DHRS4L2: variants seen among roughly 807,000 people sequenced by gnomAD.
DHRS4L2 encodes dehydrogenase/reductase SDR family member 4-like 2.
DHRS4L2 carries 22 observed loss-of-function variants against 23.9 expected under a neutral mutation model. The ratio of observed to expected loss-of-function variants is 0.92; its 90% confidence interval spans 0.66 to 1.31. The LOEUF is 1.31. Ranked by LOEUF, DHRS4L2 falls within the 40% of genes most tolerant of loss-of-function variation. The pLI is 0.00. For synonymous variants in DHRS4L2, 141 were observed against 123.7 expected (o/e 1.14, Z -0.93); for missense variants, 385 against 303.3 (o/e 1.27, Z -2.00).
intron 1 of DHRS4L2, 110 bp downstream of exon 1, chr14:23,989,185 G>A: frequency 2.7e-6 from 4 of 1,487,718 alleles, no homozygotes; most frequent in Non-Finnish European, 3.6e-6. Flanking sequence ...TACCGCCAAA[G>A]TCTGGCCATG....
At chr14:23,984,995 GA>G (rs1464807717), upstream of DHRS4L2, among the ~76,000 whole-genome samples, 2 of 151,304 alleles carry the variant, frequency 1.3e-5, no homozygotes, top group Non-Finnish European at 2.9e-5. Context: ...GAGATAGGGA[GA>G]AAGGGGTGGT....
At chr14:24,000,475 A>AT (rs1177575463) in intron 3 of DHRS4L2, among the ~76,000 whole-genome samples, 1 of 152,026 alleles carries the variant, frequency 6.6e-6, no homozygotes, top group Non-Finnish European at 1.5e-5. Context: ...GTCAGGCCAC[A>AT]TTTTCCCTGA....
At position 23,990,316 on chromosome 14, in the gene DHRS4L2, G is replaced by C. The variant is rs1169665114; in HGVS notation, c.263G>C (p.Cys88Ser). The change falls in exon 2 of 8, where the codon TGC becomes TCC. Residue 88 changes from cysteine (C) to serine (S), a missense_variant. Transcript: ENST00000335125. ...GGGCTGAGCGTGACGGGCACTGTGT[G>C]CCATGTGGGGAAGGCGGAGGACCGG... The part of the protein sequence containing the change: ...GEGLSVTGTV[C>S]HVGKAEDRER... The C allele has an allele frequency of 6.2e-7, 1 of 1,612,066 alleles. No individual in the cohort carries two copies. Among genetic ancestry groups the C allele is most frequent in the Non-Finnish European group, 8.5e-7 (1 of 1,179,028 alleles).
At chr14:23,974,553 A>C (rs2033930032) in intron 1 of DHRS4L2, among the ~76,000 whole-genome samples, 1 of 151,824 alleles carries the variant, frequency 6.6e-6, no homozygotes, top group Non-Finnish European at 1.5e-5. Flanking sequence ...ACAATAAAAA[A>C]TCATAAAGGG....
At chr14:23,977,676 C>G (rs1407020851) in intron 1 of DHRS4L2, among the ~76,000 whole-genome samples, 1 of 151,622 alleles carries the variant, frequency 6.6e-6, no homozygotes, top group East Asian at 1.9e-4. Flanking sequence ...GATGAACTAG[C>G]TTTCTTATTT....
At chr14:24,004,130 C>T (rs1212865699) in intron 6 of DHRS4L2, among the ~76,000 whole-genome samples, 4 of 146,778 alleles carry the variant, frequency 2.7e-5, no homozygotes, top group Admixed American at 6.7e-5. Flanking sequence ...ATTAGCCGGG[C>T]GCAGTGGCGG....
intron 3 of DHRS4L2, among the ~76,000 whole-genome samples, chr14:24,000,226 G>T (rs2034459465): frequency 6.8e-6 from 1 of 147,704 alleles, no homozygotes; most frequent in African/African-American, 2.6e-5. Context: ...CTGTAAGATT[G>T]AAATATTTTA....
At chr14:24,004,093 A>G (rs1250398297) in intron 6 of DHRS4L2, among the ~76,000 whole-genome samples, 5 of 142,896 alleles carry the variant, frequency 3.5e-5, no homozygotes, top group Non-Finnish European at 6.0e-5. Flanking sequence ...ACACGGTGAA[A>G]CCCCGTCTCT....
At chr14:23,970,026 A>C (rs1377186396) in exon 1 of DHRS4L2, 1 of 456,066 alleles carries the variant, frequency 2.2e-6, no homozygotes, top group Non-Finnish European at 4.4e-6. Flanking sequence ...GGAGTCTAGC[A>C]TGTGCGGCTG....
chr14:23,983,058 G>A lies in DHRS4L2; in HGVS notation c.-175-7124G>A, dbSNP rs571829932. 5.3e-5 allele frequency among the ~76,000 whole-genome samples: 8 copies of A among 151,732 alleles called. No homozygotes were observed. In the East Asian group the frequency reaches 1.5e-3, roughly 29 times the overall value. On this transcript the variant is annotated intron_variant, in intron 1 of 5. Transcript: ENST00000534993. Reference sequence around the variant, plus strand: ...GACCTGATTAAACTAAAGAGCTTCAGCACAGCAGAAGAGACTATCGTCAGA... The same window carrying A: ...GACCTGATTAAACTAAAGAGCTTCAACACAGCAGAAGAGACTATCGTCAGA...
At chr14:23,984,687 G>C (rs2034108674), upstream of DHRS4L2, among the ~76,000 whole-genome samples, 1 of 150,028 alleles carries the variant, frequency 6.7e-6, no homozygotes, top group African/African-American at 2.4e-5. Context: ...AGGTACTGTA[G>C]TCCCAGCTAC....
intron 2 of DHRS4L2, among the ~76,000 whole-genome samples, chr14:23,992,085 A>G (rs1159127409): frequency 6.6e-6 from 1 of 151,602 alleles, no homozygotes; most frequent in African/African-American, 2.4e-5. Context: ...ATGGCCTCTT[A>G]AAAGGATATG....
intron 2 of DHRS4L2, among the ~76,000 whole-genome samples, chr14:23,991,430 C>G (rs949413852): frequency 2.6e-5 from 4 of 151,706 alleles, no homozygotes; most frequent in African/African-American, 4.8e-5. Flanking sequence ...AACCATACGA[C>G]ATGTAAGTAG....
rs1175386311 is a variant in DHRS4L2 at position 24,001,158 on chromosome 14, G to A, written c.531+74G>A. On this transcript the variant is annotated intron_variant, in intron 5 of 7. Transcript: ENST00000335125. ...CTTTCCACCCCTCCTATTACCCAAA[G>A]AAGTTTGTGTCCCCTTGTAGAATCA... The A allele has an allele frequency of 7.5e-6, 12 of 1,608,598 alleles. No homozygotes were observed. In the Admixed American group the frequency reaches 1.0e-4, roughly 13 times the overall value.
At chr14:23,993,836 C>G (rs1334223924) in intron 2 of DHRS4L2, among the ~76,000 whole-genome samples, 1 of 151,610 alleles carries the variant, frequency 6.6e-6, no homozygotes, top group Non-Finnish European at 1.5e-5. Context: ...CTCTCCTGGG[C>G]AGCTGGTTTA....
intron 1 of DHRS4L2, among the ~76,000 whole-genome samples, chr14:23,973,024 A>T (rs1389489955): frequency 6.6e-6 from 1 of 151,932 alleles, no homozygotes; most frequent in Non-Finnish European, 1.5e-5. Context: ...GAATTGAACA[A>T]ATGTACAATC....
rs1458646613 is a variant in DHRS4L2, at chr14:24,001,369, C to G, written c.532-15C>G. 6.2e-7 allele frequency: 1 copy of G among 1,602,146 alleles called. No individual in the cohort carries two copies. Among genetic ancestry groups the G allele is most frequent in the Non-Finnish European group, 8.5e-7 (1 of 1,177,414 alleles). ...CTGGAAACTATGAGTCTAACACATTCTCTTCTTTCTCCAGGGCTTCAGTCC... is the reference window on the plus strand; with the variant it reads ...CTGGAAACTATGAGTCTAACACATTGTCTTCTTTCTCCAGGGCTTCAGTCC... On this transcript the variant is annotated splice_polypyrimidine_tract_variant and intron_variant, in intron 5 of 7. Coordinates refer to ENST00000335125, the MANE Select transcript of DHRS4L2 (RefSeq NM_198083.4).
intron 1 of DHRS4L2, among the ~76,000 whole-genome samples, chr14:23,971,521 A>C (rs2033857550): frequency 6.6e-6 from 1 of 152,084 alleles, no homozygotes; most frequent in Admixed American, 6.5e-5. Context: ...CTCCTTGAGA[A>C]GAGCAACCCC....
At chr14:23,983,502 A>C (rs2034087979) in intron 1 of DHRS4L2, among the ~76,000 whole-genome samples, 1 of 151,616 alleles carries the variant, frequency 6.6e-6, no homozygotes. Flanking sequence ...AACCTGAAAC[A>C]CCATTTGACC....
Sources: gnomAD v4.1 joint callset for allele counts (sites outside exome capture counted in the v4.1 genomes callset) on GRCh38, gnomAD v4.1.1 for gene constraint, MANE v1.5 for transcripts, NCBI Gene and HGNC (gene_info 2026-07-23, HGNC 2026-07-21) for gene names.